PDS5B: variants seen among roughly 807,000 people sequenced by gnomAD.
PDS5B encodes the protein PDS5 cohesin associated factor B, also known as sister chromatid cohesion protein PDS5 homolog B.
PDS5B carries 51 observed loss-of-function variants against 184.1 expected under a neutral mutation model. The observed-to-expected ratio is 0.28, with a 90% CI of 0.22 to 0.35. PDS5B has a LOEUF of 0.35. Ranked by LOEUF, PDS5B falls within the 10% of genes least tolerant of loss-of-function variation. The pLI is 1.00. For synonymous variants in PDS5B, 566 were observed against 569.2 expected, an observed-to-expected ratio of 0.99 and a Z score of 0.08; for missense variants, 1,180 against 1,723.3, an observed-to-expected ratio of 0.68 and a Z score of 5.58.
At chr13:32,604,388 C>A (rs192476972) in intron 1 of PDS5B, among the ~76,000 whole-genome samples, 1 of 152,110 alleles carries the variant, frequency 6.6e-6, no homozygotes, top group Non-Finnish European at 1.5e-5. Context: ...TATTGATTTG[C>A]GTATATTGAA....
At chr13:32,755,361 T>G (rs1954136822) in intron 25 of PDS5B, among the ~76,000 whole-genome samples, 2 of 152,150 alleles carry the variant, frequency 1.3e-5, no homozygotes, top group South Asian at 4.1e-4. Flanking sequence ...CTTTATTCTG[T>G]TTTTCTGTTA....
chr13:32,725,311 T>C (rs780269862), intron 19 of PDS5B, among the ~76,000 whole-genome samples: 1 of 152,220 alleles, frequency 6.6e-6, no homozygotes, highest in Admixed American at 6.5e-5. Context: ...CAGTCAGTTA[T>C]GGTGATCACA....
At chr13:32,670,107 T>C (rs1309264767) in intron 7 of PDS5B, among the ~76,000 whole-genome samples, 1 of 151,674 alleles carries the variant, frequency 6.6e-6, no homozygotes, top group Non-Finnish European at 1.5e-5. Flanking sequence ...GTTTTTCTTT[T>C]TCATTCACAC....
Position 32,775,095 on chromosome 13 carries a change from A to ATAATTTTT in PDS5B, c.*44_*45insAATTTTTT. The ATAATTTTT allele has an allele frequency of 7.3e-6, 4 of 547,628 alleles. No homozygotes were observed. The highest frequency in any genetic ancestry group is 1.0e-5 in the Non-Finnish European group (4 of 388,742). The allele number at this position is 547,628 out of a possible 1,614,324, so 33.9% of individuals were successfully genotyped here. On this transcript the variant is annotated 3_prime_UTR_variant, in exon 35 of 35. Coordinates refer to ENST00000315596, the MANE Select transcript of PDS5B (RefSeq NM_015032.4). ...CTTTCTCTGTGAAAGCTTTGGAAAA[A>ATAATTTTT]TCTTTTTTTTTTTTTTTGGTCAAGC...
intron 1 of PDS5B, among the ~76,000 whole-genome samples, chr13:32,626,040 A>G (rs1408422004): frequency 1.3e-5 from 2 of 152,032 alleles, no homozygotes; most frequent in African/African-American, 2.4e-5. Flanking sequence ...GGGTTTTGCC[A>G]TGTTGGCCAG....
At chr13:32,721,630 C>T (rs1382678089) in intron 19 of PDS5B, among the ~76,000 whole-genome samples, 5 of 150,982 alleles carry the variant, frequency 3.3e-5, no homozygotes, top group Non-Finnish European at 7.4e-5. Context: ...AGGTGCTCCT[C>T]ACATCCCAGA....
At chr13:32,771,279 C>T (rs1332455693) in intron 33 of PDS5B, among the ~76,000 whole-genome samples, 1 of 152,012 alleles carries the variant, frequency 6.6e-6, no homozygotes, top group Admixed American at 6.5e-5. Flanking sequence ...TGTTTTCTAA[C>T]CCAGTTCATT....
intron 23 of PDS5B, among the ~76,000 whole-genome samples, chr13:32,743,986 T>C (rs1187275231): frequency 1.3e-5 from 2 of 152,052 alleles, no homozygotes; most frequent in Non-Finnish European, 2.9e-5. Flanking sequence ...TTATTAATTA[T>C]ATTATTTTAT....
chr13:32,591,622 G>T (rs969438768), intron 1 of PDS5B, among the ~76,000 whole-genome samples: 1 of 152,166 alleles, frequency 6.6e-6, no homozygotes, highest in Non-Finnish European at 1.5e-5. Flanking sequence ...CCTGTGACAT[G>T]TATTTACCAA....
At chr13:32,730,085 C>G (rs778734142) in intron 19 of PDS5B, among the ~76,000 whole-genome samples, 1 of 152,054 alleles carries the variant, frequency 6.6e-6, no homozygotes, top group Non-Finnish European at 1.5e-5. Flanking sequence ...TTAGGTTTTC[C>G]ATTTAAGTCT....
chr13:32,740,076 C>A (rs560068372), intron 21 of PDS5B, among the ~76,000 whole-genome samples: 1 of 151,990 alleles, frequency 6.6e-6, no homozygotes, highest in African/African-American at 2.4e-5. Flanking sequence ...GTAATTCTTT[C>A]AACATGGATT....
chr13:32,755,811 T>TC, intron 25 of PDS5B, 31 bp from the exon 26 acceptor site: 1 of 1,077,450 alleles, frequency 9.3e-7, no homozygotes, highest in Non-Finnish European at 1.4e-6. Flanking sequence ...CTTTTGTTTT[T>TC]TTTTGTTTGT....
At chr13:32,664,125 GAC>G (rs1478135940) in intron 6 of PDS5B, among the ~76,000 whole-genome samples, 1 of 152,122 alleles carries the variant, frequency 6.6e-6, no homozygotes, top group Admixed American at 6.5e-5. Context: ...TCAGTCAGTG[GAC>G]AGTTAGATTG....
intron 21 of PDS5B, among the ~76,000 whole-genome samples, chr13:32,738,544 C>T (rs1235390097): frequency 6.6e-6 from 1 of 152,154 alleles, no homozygotes; most frequent in African/African-American, 2.4e-5. Flanking sequence ...TTCCCATAGG[C>T]AATCTGTACC....
chr13:32,638,421 C>T (rs1375497976), intron 1 of PDS5B, among the ~76,000 whole-genome samples: 2 of 151,950 alleles, frequency 1.3e-5, no homozygotes, highest in Non-Finnish European at 2.9e-5. Flanking sequence ...GTGGAGTGTG[C>T]GGGTGGGGAA....
intron 10 of PDS5B, among the ~76,000 whole-genome samples, chr13:32,682,330 TG>T: frequency 6.6e-6 from 1 of 152,328 alleles, no homozygotes; most frequent in Middle Eastern, 3.4e-3. Context: ...TTTCTATTTC[TG>T]TAGGTTAGTT....
At chr13:32,600,970 ACCGTAGCTCTCT>A (rs2057964991) in intron 1 of PDS5B, among the ~76,000 whole-genome samples, 1 of 152,174 alleles carries the variant, frequency 6.6e-6, no homozygotes, top group African/African-American at 2.4e-5. Context: ...AGGCTTCCCT[ACCGTAGCTCTCT>A]CCTTTGAATT....
chr13:32,773,476 T>A (rs1180968280), intron 34 of PDS5B, 152 bp downstream of exon 34: 3 of 691,136 alleles, frequency 4.3e-6, no homozygotes, highest in Non-Finnish European at 7.1e-6. Flanking sequence ...ATGGAGAACA[T>A]CTTTTATGGA....
intron 1 of PDS5B, among the ~76,000 whole-genome samples, chr13:32,610,204 A>G (rs558030364): frequency 6.6e-6 from 1 of 152,372 alleles, no homozygotes; most frequent in South Asian, 2.1e-4. Flanking sequence ...AATACAAATC[A>G]ATGTAGGTAC....
Sources: gnomAD v4.1 joint callset for allele counts (sites outside exome capture counted in the v4.1 genomes callset) on GRCh38, gnomAD v4.1.1 for gene constraint, MANE v1.5 for transcripts, NCBI Gene and HGNC (gene_info 2026-07-23, HGNC 2026-07-21) for gene names.